Variants in CCDC85A observed in about 807,000 individuals in gnomAD.
CCDC85A encodes coiled-coil domain-containing protein 85A.
Under a neutral mutation model 50.2 loss-of-function variants are expected in CCDC85A, and 38 were observed. The observed-to-expected ratio is 0.76, with a 90% CI of 0.58 to 0.99. The LOEUF is 0.99. CCDC85A is among the 50% of genes least tolerant of loss of function. The pLI is 0.00. For missense variants in CCDC85A, 820 were observed against 742.0 expected, an observed-to-expected ratio of 1.11 and a Z score of -1.22; for synonymous variants, 366 against 301.4, an observed-to-expected ratio of 1.21 and a Z score of -2.22.
intron 2 of CCDC85A, among the ~76,000 whole-genome samples, chr2:56,273,687 AATAT>A (rs10579579): frequency 0.4 from 59,235 of 148,152 alleles, 11,869 homozygotes; most frequent in Middle Eastern, 0.59. Flanking sequence ...TGGGTTTCAG[AATAT>A]ATATATATAT....
chr2:56,214,420 A>C (rs1280457426), intron 2 of CCDC85A, among the ~76,000 whole-genome samples: 1 of 151,990 alleles, frequency 6.6e-6, no homozygotes, highest in Non-Finnish European at 1.5e-5. Context: ...CCACTTGGAC[A>C]CTGTAGATGA....
At chr2:56,266,667 T>A (rs1405652120) in intron 2 of CCDC85A, among the ~76,000 whole-genome samples, 2 of 145,366 alleles carry the variant, frequency 1.4e-5, no homozygotes, top group Non-Finnish European at 3.0e-5. Flanking sequence ...TTTTGCAGAT[T>A]TCTGGTTTAT....
intron 2 of CCDC85A, among the ~76,000 whole-genome samples, chr2:56,297,373 A>ATACTAGTCTTTG (rs1671999310): frequency 6.8e-6 from 1 of 147,198 alleles, no homozygotes; most frequent in South Asian, 2.1e-4. Flanking sequence ...GGATCTTTGG[A>ATACTAGTCTTTG]TACTAGTCTT....
chr2:56,293,464 A>G (rs529894442), intron 2 of CCDC85A, among the ~76,000 whole-genome samples: 5 of 152,220 alleles, frequency 3.3e-5, no homozygotes, highest in African/African-American at 1.2e-4. Context: ...TAACAAAAGC[A>G]AAAATTGACA....
intron 2 of CCDC85A, among the ~76,000 whole-genome samples, chr2:56,199,071 AT>A (rs1048839213): frequency 6.6e-6 from 1 of 152,194 alleles, no homozygotes; most frequent in Non-Finnish European, 1.5e-5. Context: ...TAGAAAAAAA[AT>A]GTGACCATTG....
At chr2:56,202,561 A>G (rs1676789706) in intron 2 of CCDC85A, among the ~76,000 whole-genome samples, 1 of 152,192 alleles carries the variant, frequency 6.6e-6, no homozygotes, top group African/African-American at 2.4e-5. Context: ...ACCAGGAGCA[A>G]AAGGATGGGC....
chr2:56,220,847 C>T (rs913964949), intron 2 of CCDC85A, among the ~76,000 whole-genome samples: 3 of 151,934 alleles, frequency 2.0e-5, no homozygotes, highest in Admixed American at 6.6e-5. Context: ...AAGAATAGCA[C>T]GCAATAAAAT....
Position 56,270,734 on chromosome 2 carries a change from CT to C in CCDC85A, c.1241-72144del, listed in dbSNP as rs769729514. 5.5e-4 allele frequency among the ~76,000 whole-genome samples: 84 copies of C among 152,304 alleles called. 1 individual carries two copies. The highest frequency in any genetic ancestry group is 6.3e-4 in the Non-Finnish European group (43 of 68,036). On this transcript the variant is annotated intron_variant, in intron 2 of 5. Coordinates refer to ENST00000407595, the MANE Select transcript of CCDC85A (RefSeq NM_001080433.2). ...CTTTGCGTGTGCAGTTGAAGGCTGA[CT>C]GATTTAGAAGTGTCCAGAAATCAGC...
At chr2:56,301,191 A>G (rs934943832) in intron 2 of CCDC85A, among the ~76,000 whole-genome samples, 4 of 152,182 alleles carry the variant, frequency 2.6e-5, no homozygotes, top group Non-Finnish European at 5.9e-5. Flanking sequence ...TTTCTGTTGT[A>G]TGAAGTATTT....
chr2:56,296,522 C>G (rs945278745), intron 2 of CCDC85A, among the ~76,000 whole-genome samples: 2 of 152,098 alleles, frequency 1.3e-5, no homozygotes, highest in African/African-American at 4.8e-5. Context: ...GAGGTGATCC[C>G]TAACCAGTGT....
intron 2 of CCDC85A, among the ~76,000 whole-genome samples, chr2:56,221,236 C>G (rs1349284771): frequency 6.6e-6 from 1 of 152,032 alleles, no homozygotes; most frequent in Non-Finnish European, 1.5e-5. Context: ...TTAAAATCAT[C>G]AACTGCCAAT....
intron 2 of CCDC85A, among the ~76,000 whole-genome samples, chr2:56,322,217 C>G (rs986999344): frequency 6.6e-6 from 1 of 152,178 alleles, no homozygotes. Flanking sequence ...CAAAACCATT[C>G]AGGCCATAGG....
At chr2:56,232,085 A>C (rs1454961450) in intron 2 of CCDC85A, among the ~76,000 whole-genome samples, 2 of 152,018 alleles carry the variant, frequency 1.3e-5, no homozygotes, top group Non-Finnish European at 1.5e-5. Flanking sequence ...TTCTTCCTGC[A>C]TTTTACATAA....
chr2:56,193,527 A>T, intron 2 of CCDC85A, 87 bp downstream of exon 2: 1 of 1,413,358 alleles, frequency 7.1e-7, no homozygotes, highest in Admixed American at 2.6e-5. Context: ...GCCATGTAAG[A>T]AAGTGCAGGC....
intron 2 of CCDC85A, among the ~76,000 whole-genome samples, chr2:56,323,276 T>C (rs1673303212): frequency 6.6e-6 from 1 of 152,098 alleles, no homozygotes; most frequent in African/African-American, 2.4e-5. Flanking sequence ...ACATGTGCTC[T>C]AGAACTTAAA....
intron 3 of CCDC85A, among the ~76,000 whole-genome samples, chr2:56,357,031 A>G (rs1187139918): frequency 6.6e-6 from 1 of 151,582 alleles, no homozygotes; most frequent in East Asian, 1.9e-4. Context: ...GTGAGCTGAG[A>G]TCACACCACT....
At chr2:56,332,048 G>C (rs1351259211) in intron 2 of CCDC85A, among the ~76,000 whole-genome samples, 2 of 152,190 alleles carry the variant, frequency 1.3e-5, no homozygotes, top group African/African-American at 4.8e-5. Context: ...TGCTCCGTCA[G>C]TACCCCTCCA....
chr2:56,283,634 G>C (rs1049601166), intron 2 of CCDC85A, among the ~76,000 whole-genome samples: 3 of 152,078 alleles, frequency 2.0e-5, no homozygotes, highest in Admixed American at 2.0e-4. Context: ...GATTCTTCTT[G>C]AATCAATGTT....
chr2:56,220,385 ATACTAAAC>A (rs1249943319), intron 2 of CCDC85A, among the ~76,000 whole-genome samples: 2 of 152,032 alleles, frequency 1.3e-5, no homozygotes, highest in Non-Finnish European at 2.9e-5. Context: ...TAAGGATAAA[ATACTAAAC>A]TATTAACATC....
Sources: allele counts gnomAD v4.1 joint callset (sites outside exome capture counted in the v4.1 genomes callset), GRCh38; gene constraint gnomAD v4.1.1; transcripts MANE v1.5; gene names NCBI Gene and HGNC (gene_info 2026-07-23, HGNC 2026-07-21).